Variants in ERBB4 observed in about 807,000 individuals in gnomAD.
ERBB4 encodes erb-b2 receptor tyrosine kinase 4.
ERBB4 carries 42 observed loss-of-function variants against 158.0 expected under a neutral mutation model. The observed-to-expected ratio is 0.27, with a 90% confidence interval of 0.21 to 0.34. The LOEUF (loss-of-function observed/expected upper bound fraction) is 0.34. Among genes scored for constraint, ERBB4 ranks in the 10% least tolerant of loss-of-function variants. The pLI is 1.00. For missense variants in ERBB4, 1,333 were observed against 1,624.1 expected (o/e 0.82, Z 3.08); for synonymous variants, 583 against 558.7 (o/e 1.04, Z -0.61).
At chr2:212,067,078 A>T (rs987296195) in intron 2 of ERBB4, among the ~76,000 whole-genome samples, 3 of 152,048 alleles carry the variant, frequency 2.0e-5, no homozygotes, top group Admixed American at 6.6e-5. Flanking sequence ...TTTTCATTAA[A>T]GCTATCTATA....
At chr2:211,558,786 G>T (rs951110682) in intron 20 of ERBB4, among the ~76,000 whole-genome samples, 4 of 151,784 alleles carry the variant, frequency 2.6e-5, no homozygotes, top group Non-Finnish European at 5.9e-5. Context: ...ATAAAGGAAG[G>T]ACTCCCTGCT....
At chr2:212,058,162 C>T (rs972895703) in intron 2 of ERBB4, among the ~76,000 whole-genome samples, 1 of 152,202 alleles carries the variant, frequency 6.6e-6, no homozygotes, top group South Asian at 2.1e-4. Context: ...CTATAAACAA[C>T]TCTACACAAA....
chr2:211,506,815 A>T (rs1402796875), intron 20 of ERBB4, among the ~76,000 whole-genome samples: 1 of 152,068 alleles, frequency 6.6e-6, no homozygotes, highest in South Asian at 2.1e-4. Flanking sequence ...AAAAATCTCA[A>T]ATATAATGTC....
At chr2:211,399,646 T>C (rs1038068281) in intron 25 of ERBB4, among the ~76,000 whole-genome samples, 3 of 151,854 alleles carry the variant, frequency 2.0e-5, no homozygotes, top group African/African-American at 7.2e-5. Context: ...TTAAAAGTAT[T>C]TTTAAAAGTA....
chr2:212,169,953 G>T (rs1291551597), intron 1 of ERBB4, among the ~76,000 whole-genome samples: 1 of 152,072 alleles, frequency 6.6e-6, no homozygotes, highest in Non-Finnish European at 1.5e-5. Context: ...CCCAGTCTCA[G>T]GTATGTCTTT....
chr2:211,830,895 G>A (rs983391236), intron 3 of ERBB4, among the ~76,000 whole-genome samples: 2 of 151,964 alleles, frequency 1.3e-5, no homozygotes, highest in Non-Finnish European at 2.9e-5. Context: ...AGAGCACTTT[G>A]ATATGGCCAC....
intron 14 of ERBB4, among the ~76,000 whole-genome samples, chr2:211,672,848 A>AT (rs1263928158): frequency 9.2e-5 from 14 of 152,116 alleles, no homozygotes; most frequent in African/African-American, 3.4e-4. Context: ...ATTTATAAAT[A>AT]TTTTTATTAT....
intron 1 of ERBB4, among the ~76,000 whole-genome samples, chr2:212,471,807 A>C (rs1244816790): frequency 6.6e-6 from 1 of 151,884 alleles, no homozygotes; most frequent in Non-Finnish European, 1.5e-5. Context: ...TAGTATATTT[A>C]ATAATAATTG....
intron 3 of ERBB4, among the ~76,000 whole-genome samples, chr2:211,937,056 G>A (rs934737123): frequency 8.5e-5 from 13 of 152,120 alleles, no homozygotes; most frequent in African/African-American, 3.1e-4. Flanking sequence ...CTATTTGAAT[G>A]TACTGTATTG....
At chr2:212,303,906 G>GCTCTAT (rs2086713816) in intron 1 of ERBB4, among the ~76,000 whole-genome samples, 1 of 151,402 alleles carries the variant, frequency 6.6e-6, no homozygotes, top group Admixed American at 6.6e-5. Context: ...TTAAAAGTAG[G>GCTCTAT]AACAATGGAA....
intron 2 of ERBB4, among the ~76,000 whole-genome samples, chr2:212,037,093 A>G (rs2077033064): frequency 7.5e-6 from 1 of 133,880 alleles, no homozygotes; most frequent in South Asian, 2.9e-4. Context: ...TTTTAATCAG[A>G]AACAATTTTG....
chr2:211,547,451 T>C (rs1478055961), intron 20 of ERBB4, among the ~76,000 whole-genome samples: 2 of 152,082 alleles, frequency 1.3e-5, no homozygotes, highest in African/African-American at 4.8e-5. Flanking sequence ...TCTTGAAATC[T>C]GTGGGAAAAA....
rs540210214 is a variant in ERBB4 at position 212,257,243 on chromosome 2, A to C, written c.83-132340T>G. On this transcript the variant is annotated intron_variant, in intron 1 of 27. Coordinates refer to ENST00000342788, the MANE Select transcript of ERBB4 (RefSeq NM_005235.3). ...GTCAATTTTACTTATAATTTGACTA[A>C]AGATATATTAATAGATCAATTTTCA... Among the ~76,000 whole-genome samples the C allele has an allele frequency of 1.2e-4, 18 of 152,328 alleles. No homozygotes were observed. The East Asian group carries it at 3.1e-3, about 26-fold the overall frequency.
At chr2:212,173,434 GAGA>G (rs890905288) in intron 1 of ERBB4, among the ~76,000 whole-genome samples, 3 of 152,224 alleles carry the variant, frequency 2.0e-5, no homozygotes, top group African/African-American at 7.2e-5. Context: ...CAGGAACAAA[GAGA>G]AGGTCAGCCT....
intron 1 of ERBB4, among the ~76,000 whole-genome samples, chr2:212,236,106 T>C (rs1261656687): frequency 6.6e-6 from 1 of 152,192 alleles, no homozygotes. Context: ...TGTGGGTTTG[T>C]CATAAAGAGC....
intron 1 of ERBB4, among the ~76,000 whole-genome samples, chr2:212,167,144 A>T (rs983055165): frequency 2.0e-5 from 3 of 152,182 alleles, no homozygotes; most frequent in Admixed American, 2.0e-4. Flanking sequence ...CTATCATCAG[A>T]GTGAACAGGC....
intron 1 of ERBB4, among the ~76,000 whole-genome samples, chr2:212,455,359 T>A (rs1688233465): frequency 8.1e-6 from 1 of 123,474 alleles, no homozygotes; most frequent in Non-Finnish European, 2.1e-5. Context: ...ACCCTCCTAA[T>A]CTTATCGTTT....
chr2:211,635,858 A>G (rs536561488), intron 16 of ERBB4, among the ~76,000 whole-genome samples: 5 of 152,124 alleles, frequency 3.3e-5, no homozygotes, highest in African/African-American at 7.2e-5. Context: ...ATATATGTGT[A>G]TTTTCTTTAC....
intron 2 of ERBB4, among the ~76,000 whole-genome samples, chr2:212,032,525 T>C (rs1216356381): frequency 6.6e-6 from 1 of 152,102 alleles, no homozygotes; most frequent in Non-Finnish European, 1.5e-5. Context: ...ACTAGTTTAA[T>C]ACCTTCACCA....
Sources: gnomAD v4.1 joint callset for allele counts (sites outside exome capture counted in the v4.1 genomes callset) on GRCh38, gnomAD v4.1.1 for gene constraint, MANE v1.5 for transcripts, NCBI Gene and HGNC (gene_info 2026-07-23, HGNC 2026-07-21) for gene names.